CLYBL: variants seen among roughly 807,000 people sequenced by gnomAD.
CLYBL encodes citramalyl-CoA lyase, mitochondrial.
A neutral mutation model predicts 38.9 loss-of-function variants in CLYBL; 31 were observed. The ratio of observed to expected loss-of-function variants is 0.80; its 90% CI spans 0.60 to 1.08. The LOEUF is 1.08. Among genes scored for constraint, CLYBL ranks in the 50% least tolerant of loss-of-function variants. The pLI, the probability that CLYBL is intolerant of heterozygous loss-of-function variation, is 0.00. For synonymous variants in CLYBL, 171 were observed against 158.6 expected, an observed-to-expected ratio of 1.08 and a Z score of -0.59; for missense variants, 434 against 411.6, an observed-to-expected ratio of 1.05 and a Z score of -0.47.
intron 2 of CLYBL, among the ~76,000 whole-genome samples, chr13:99,776,622 A>G (rs1318259017): frequency 6.6e-6 from 1 of 151,764 alleles, no homozygotes; most frequent in Admixed American, 6.6e-5. Context: ...ATTATCCAAC[A>G]TTTATATTAT....
chr13:99,695,043 G>A (rs985283984), intron 1 of CLYBL, among the ~76,000 whole-genome samples: 1 of 152,138 alleles, frequency 6.6e-6, no homozygotes, highest in Non-Finnish European at 1.5e-5. Context: ...ATCCCACCGC[G>A]AGAGCGATAC....
chr13:99,830,902 G>A (rs1301991204), intron 2 of CLYBL, among the ~76,000 whole-genome samples: 1 of 152,192 alleles, frequency 6.6e-6, no homozygotes, highest in East Asian at 1.9e-4. Context: ...ATGAAGTTAA[G>A]GATCTCGAGA....
rs528158438 is a variant in CLYBL, at chr13:99,828,199, A to C, written c.250-30662A>C. 4.6e-5 allele frequency among the ~76,000 whole-genome samples: 7 copies of C among 152,338 alleles called. No individual in the cohort carries two copies. In the South Asian group the frequency reaches 1.4e-3, roughly 32 times the overall value. Reference sequence around the variant, plus strand: ...ACTAGATGATGGGCAAAAACTCTATAGAGGGGAAAGGAGGCAGGAAGAGCC... The same window carrying C: ...ACTAGATGATGGGCAAAAACTCTATCGAGGGGAAAGGAGGCAGGAAGAGCC... On this transcript the variant is annotated intron_variant, in intron 2 of 8. Coordinates refer to ENST00000339105, the MANE Select transcript of CLYBL (RefSeq NM_206808.5).
intron 1 of CLYBL, among the ~76,000 whole-genome samples, chr13:99,651,933 G>A (rs2047259785): frequency 1.3e-5 from 1 of 76,054 alleles, no homozygotes; most frequent in African/African-American, 1.1e-4. Context: ...CTCCATCTTG[G>A]GGGGAAAAAA....
intron 2 of CLYBL, among the ~76,000 whole-genome samples, chr13:99,784,444 T>C (rs1175468938): frequency 2.5e-5 from 2 of 79,204 alleles, no homozygotes; most frequent in Admixed American, 2.7e-4. Context: ...TCTGGAAAAT[T>C]CTCTCTTTTT....
At chr13:99,624,874 G>A (rs2046846999) in intron 1 of CLYBL, among the ~76,000 whole-genome samples, 1 of 152,180 alleles carries the variant, frequency 6.6e-6, no homozygotes, top group South Asian at 2.1e-4. Context: ...CAGCTCAGTG[G>A]AGGCATCTTA....
At position 99,722,824 on chromosome 13, in the gene CLYBL, G is replaced by A. The variant is rs141570122; in HGVS notation, c.63-50000G>A. ...GCTTGATATATGAAGGTGGACTGAC[G>A]ACTGAGTTCCCATGCCGCTTGCTGG... On this transcript the variant is annotated intron_variant, in intron 1 of 8. Coordinates refer to ENST00000339105, the MANE Select transcript of CLYBL (RefSeq NM_206808.5). Among the ~76,000 whole-genome samples, 10 of 152,334 alleles carry A rather than the reference G, an allele frequency of 6.6e-5. No individual in the cohort carries two copies. The East Asian group carries it at 1.9e-3, about 29-fold the overall frequency.
At position 99,865,050 on chromosome 13, in the gene CLYBL, A is replaced by G. The variant is rs780856333; in HGVS notation, c.634+139A>G. The stretch of plus-strand genomic sequence containing the variant: ...ACCATGACAATGGTTTTTCATGACA[A>G]TGGAATGGACACTACTTCCTGATAA... On this transcript the variant is annotated intron_variant, in intron 5 of 8. Transcript: ENST00000339105. The surrounding 1 kb of genome is among the most constrained non-coding windows in gnomAD (Gnocchi z 4.7). 11 of 708,940 alleles carry G rather than the reference A, an allele frequency of 1.6e-5. No individual in the cohort carries two copies. Among genetic ancestry groups the G allele is most frequent in the South Asian group, 1.3e-4 (9 of 67,794 alleles). The allele number at this position is 708,940 out of a possible 1,614,324, so 43.9% of individuals were successfully genotyped here.
chr13:99,687,872 G>A (rs1490549457), intron 1 of CLYBL, among the ~76,000 whole-genome samples: 1 of 152,198 alleles, frequency 6.6e-6, no homozygotes, highest in African/African-American at 2.4e-5. Flanking sequence ...TGGGTTGAAT[G>A]CTTCTGTTCT....
chr13:99,795,576 C>T (rs1206169594), intron 2 of CLYBL, among the ~76,000 whole-genome samples: 2 of 152,048 alleles, frequency 1.3e-5, no homozygotes, highest in African/African-American at 4.8e-5. Context: ...ATTGCTTGAG[C>T]CCAGGATGTT....
chr13:99,799,254 A>G (rs1354189580), intron 2 of CLYBL, among the ~76,000 whole-genome samples: 1 of 152,178 alleles, frequency 6.6e-6, no homozygotes, highest in African/African-American at 2.4e-5. Context: ...CATTTATTTA[A>G]TTTTTATAGT....
intron 2 of CLYBL, among the ~76,000 whole-genome samples, chr13:99,816,478 C>G (rs1594200386): frequency 6.6e-6 from 1 of 152,228 alleles, no homozygotes; most frequent in Admixed American, 6.5e-5. Context: ...GCAGTAGCCT[C>G]GTAAAATGGG....
chr13:99,621,146 C>T (rs1319993321), intron 1 of CLYBL, among the ~76,000 whole-genome samples: 1 of 152,164 alleles, frequency 6.6e-6, no homozygotes, highest in East Asian at 1.9e-4. Context: ...CATAAATACA[C>T]TTTTTAAGCT....
intron 1 of CLYBL, among the ~76,000 whole-genome samples, chr13:99,662,203 A>G (rs1394816644): frequency 6.6e-6 from 1 of 152,226 alleles, no homozygotes; most frequent in Non-Finnish European, 1.5e-5. Flanking sequence ...AGAAGTTTTA[A>G]AAGTTTTGGA....
At chr13:99,810,768 T>A (rs1594196943) in intron 2 of CLYBL, among the ~76,000 whole-genome samples, 1 of 151,938 alleles carries the variant, frequency 6.6e-6, no homozygotes, top group Non-Finnish European at 1.5e-5. Context: ...ATGAGAAGAG[T>A]GGAGGGTGAT....
At position 99,809,075 on chromosome 13, in the gene CLYBL, T is replaced by C. The variant is rs1031075224; in HGVS notation, c.249+36065T>C. ...TTGAATTTACCCTGGTACTATATGC[T>C]TGTTAATTGTTTAGACACACACCTC... On this transcript the variant is annotated intron_variant, in intron 2 of 8. Coordinates refer to ENST00000339105, the MANE Select transcript of CLYBL (RefSeq NM_206808.5). Among the ~76,000 whole-genome samples the C allele has an allele frequency of 4.6e-5, 7 of 152,348 alleles. No individual in the cohort carries two copies. In the East Asian group the frequency reaches 1.3e-3, roughly 29 times the overall value.
chr13:99,893,380 C>T (rs2052528671), downstream of CLYBL: 1 of 152,348 alleles, frequency 6.6e-6, no homozygotes, highest in South Asian at 2.1e-4. Flanking sequence ...TGTGCACCCC[C>T]AGTCTGCCCC....
chr13:99,777,853 T>C (rs943325953), intron 2 of CLYBL, among the ~76,000 whole-genome samples: 3 of 152,248 alleles, frequency 2.0e-5, no homozygotes, highest in Non-Finnish European at 4.4e-5. Context: ...ACATATGTTA[T>C]CTTAATCCTT....
In CLYBL at chr13:99,692,286, GT is replaced by G. The variant is rs71215539; in HGVS notation, c.63-80525del. 7.7e-3 allele frequency among the ~76,000 whole-genome samples: 888 copies of G among 115,890 alleles called. 7 individuals are homozygous for G. Among genetic ancestry groups the G allele is most frequent in the Non-Finnish European group, 0.012 (686 of 56,890 alleles). 76.0% of individuals were successfully genotyped at this position (115,890 alleles called of 152,430 possible). ...CATAAAGTTCACATTTGTTTTTTTT[GT>G]TTTTTTTTTTTTGTTTGTTTTTTTG... On this transcript the variant is annotated intron_variant, in intron 1 of 8. Transcript: ENST00000339105.
Sources: gnomAD v4.1 joint callset for allele counts (sites outside exome capture counted in the v4.1 genomes callset) on GRCh38, gnomAD v4.1.1 for gene constraint, Gnocchi (gnomAD v3.1) non-coding constraint, MANE v1.5 for transcripts, NCBI Gene and HGNC (gene_info 2026-07-23, HGNC 2026-07-21) for gene names.